IQGAP2: variants seen among roughly 807,000 people sequenced by gnomAD.
The protein encoded by IQGAP2 is IQ motif containing GTPase activating protein 2.
IQGAP2 carries 173 observed loss-of-function variants against 201.3 expected under a neutral mutation model. The ratio of observed to expected loss-of-function variants is 0.86; its 90% CI spans 0.76 to 0.98. The LOEUF (loss-of-function observed/expected upper bound fraction) is 0.98. IQGAP2 is among the 50% of genes least tolerant of loss of function. The probability of loss-of-function intolerance (pLI) is 0.00; values close to 1 mark genes in which losing one functional copy is unlikely to be tolerated. For missense variants in IQGAP2, 1,687 were observed against 1,864.8 expected (o/e 0.90, Z 1.76); for synonymous variants, 675 against 673.9 (o/e 1.00, Z -0.03).
intron 21 of IQGAP2, among the ~76,000 whole-genome samples, chr5:76,663,667 C>T (rs6869765): frequency 0.61 from 92,320 of 152,038 alleles, 28,455 homozygotes; most frequent in Non-Finnish European, 0.65. Context: ...TCTGAGTTGC[C>T]AGTACCACAG....
intron 10 of IQGAP2, among the ~76,000 whole-genome samples, 185 bp downstream of exon 10, chr5:76,597,787 A>T (rs1747143657): frequency 6.6e-6 from 1 of 152,206 alleles, no homozygotes; most frequent in Non-Finnish European, 1.5e-5. Context: ...TTTAGTCTAC[A>T]TAAAGAATCT....
chr5:76,444,680 A>G (rs1312680601), intron 1 of IQGAP2, among the ~76,000 whole-genome samples: 1 of 152,192 alleles, frequency 6.6e-6, no homozygotes, highest in Non-Finnish European at 1.5e-5. Flanking sequence ...ATTTCCCTAC[A>G]CTTTAACCTA....
intron 5 of IQGAP2, among the ~76,000 whole-genome samples, chr5:76,579,888 G>A (rs1157482175): frequency 3.9e-5 from 6 of 152,082 alleles, no homozygotes; most frequent in Non-Finnish European, 8.8e-5. Flanking sequence ...TTATCTTGGG[G>A]CACTTCCTTT....
intron 1 of IQGAP2, among the ~76,000 whole-genome samples, chr5:76,452,133 TA>T (rs35680480): frequency 0.23 from 33,393 of 142,694 alleles, 4,063 homozygotes; most frequent in Middle Eastern, 0.34. Flanking sequence ...GTATAAGAAT[TA>T]AAAAAAAAAA....
intron 1 of IQGAP2, among the ~76,000 whole-genome samples, chr5:76,424,743 C>T (rs929526470): frequency 3.3e-5 from 5 of 152,212 alleles, no homozygotes; most frequent in South Asian, 2.1e-4. Flanking sequence ...GCCCACTGGC[C>T]CAGAGCTGGG....
intron 2 of IQGAP2, among the ~76,000 whole-genome samples, chr5:76,502,772 G>A (rs1757350175): frequency 6.6e-6 from 1 of 152,168 alleles, no homozygotes; most frequent in Admixed American, 6.5e-5. Context: ...GTCTTACTCT[G>A]TTGCCCAAGC....
At chr5:76,684,838 A>G (rs1452780278) in intron 30 of IQGAP2, among the ~76,000 whole-genome samples, 1 of 151,272 alleles carries the variant, frequency 6.6e-6, no homozygotes, top group Non-Finnish European at 1.5e-5. Context: ...ATTCATCTCC[A>G]CTTGATTTTT....
At chr5:76,433,910 C>T (rs1466901660) in intron 1 of IQGAP2, among the ~76,000 whole-genome samples, 1 of 152,162 alleles carries the variant, frequency 6.6e-6, no homozygotes, top group Non-Finnish European at 1.5e-5. Flanking sequence ...TCTTACCTGT[C>T]AGATACAGCT....
intron 2 of IQGAP2, among the ~76,000 whole-genome samples, chr5:76,497,128 C>G (rs1757037899): frequency 6.6e-6 from 1 of 151,978 alleles, no homozygotes; most frequent in Admixed American, 6.6e-5. Context: ...GCGCCCGGCC[C>G]AAATCTTTCT....
intron 20 of IQGAP2, 136 bp from the exon 21 acceptor site, chr5:76,658,323 G>C (rs547324492): frequency 1.4e-6 from 1 of 720,602 alleles, no homozygotes; most frequent in African/African-American, 1.8e-5. Flanking sequence ...GTGGGGGTGG[G>C]TAGAATGATT....
chr5:76,640,963 A>C lies in IQGAP2; in HGVS notation c.1954A>C (p.Ile652Leu), dbSNP rs559779834. The C allele has an allele frequency of 1.4e-5, 22 of 1,600,726 alleles. No homozygotes were observed. In the South Asian group the frequency reaches 2.0e-4, roughly 14 times the overall value. ...TATTGAGGAAGTCACAGTAGGTTAC[A>C]TTCGTGAGAATATATGGTCTGCTTC... ...DIIEEVTVGY[I>L]RENIWSASEE... The change falls in exon 17 of 36, where the codon ATT becomes CTT. Residue 652 changes from isoleucine (I) to leucine (L), a missense_variant. Coordinates refer to ENST00000274364, the MANE Select transcript of IQGAP2 (RefSeq NM_006633.5).
chr5:76,411,008 G>A (rs935160788), intron 1 of IQGAP2, among the ~76,000 whole-genome samples: 1 of 152,322 alleles, frequency 6.6e-6, no homozygotes, highest in South Asian at 2.1e-4. Context: ...TCAAAGAGCA[G>A]TCTCTGGAGC....
intron 21 of IQGAP2, among the ~76,000 whole-genome samples, chr5:76,662,176 G>A (rs1388586903): frequency 6.6e-6 from 1 of 152,238 alleles, no homozygotes; most frequent in African/African-American, 2.4e-5. Context: ...GGAGAAGGAA[G>A]AGGGGCTATC....
chr5:76,541,403 T>C (rs1288611129), intron 2 of IQGAP2, among the ~76,000 whole-genome samples: 2 of 152,238 alleles, frequency 1.3e-5, no homozygotes. Flanking sequence ...TGTATGGATA[T>C]ATACCACATT....
intron 2 of IQGAP2, among the ~76,000 whole-genome samples, chr5:76,505,938 C>T (rs997650686): frequency 1.3e-5 from 2 of 152,142 alleles, no homozygotes; most frequent in East Asian, 1.9e-4. Context: ...TCATTCATTA[C>T]GTAATGAGGT....
At position 76,658,316 on chromosome 5, in the gene IQGAP2, G is replaced by A. The variant is rs1014034493; in HGVS notation, c.2321-143G>A. The A allele has an allele frequency of 1.7e-5, 12 of 695,126 alleles. No homozygotes were observed. In the African/African-American group the frequency reaches 2.0e-4, roughly 12 times the overall value. 43.1% of individuals were successfully genotyped at this position (695,126 alleles called of 1,614,324 possible). ...CCTTGTCCAGATTTTAAATTGTGTG[G>A]GGGTGGGTAGAATGATTCTCACCCT... On this transcript the variant is annotated intron_variant, in intron 20 of 35. Transcript: ENST00000274364.
At chr5:76,644,125 A>G (rs1313958410) in intron 17 of IQGAP2, among the ~76,000 whole-genome samples, 1 of 151,964 alleles carries the variant, frequency 6.6e-6, no homozygotes, top group Non-Finnish European at 1.5e-5. Context: ...TATAAAATAG[A>G]GCAATGACCT....
intron 9 of IQGAP2, among the ~76,000 whole-genome samples, chr5:76,596,272 G>A (rs193269405): frequency 6.6e-6 from 1 of 152,302 alleles, no homozygotes; most frequent in East Asian, 1.9e-4. Flanking sequence ...AAAAATGTAT[G>A]GGTATGTGTT....
At chr5:76,590,709 A>G (rs1382535106) in intron 8 of IQGAP2, 123 bp downstream of exon 8, 3 of 703,062 alleles carry the variant, frequency 4.3e-6, no homozygotes, top group African/African-American at 1.8e-5. Flanking sequence ...AGCCGTAGAC[A>G]ATTGATTTGA....
Sources: gnomAD v4.1 joint callset for allele counts (sites outside exome capture counted in the v4.1 genomes callset) on GRCh38, gnomAD v4.1.1 for gene constraint, MANE v1.5 for transcripts, NCBI Gene and HGNC (gene_info 2026-07-23, HGNC 2026-07-21) for gene names.